Variants in MYO1B observed in about 807,000 individuals in gnomAD.
The protein encoded by MYO1B is unconventional myosin-Ib.
In MYO1B, 72 loss-of-function variants were observed where a neutral mutation model predicts 159.7. That is an observed-to-expected ratio of 0.45 (90% CI 0.37 to 0.55). The LOEUF is 0.55. Among genes scored for constraint, MYO1B ranks in the 20% least tolerant of loss-of-function variants. MYO1B has a pLI of 0.00. For missense variants in MYO1B, 1,062 were observed against 1,364.8 expected, an observed-to-expected ratio of 0.78 and a Z score of 3.50; for synonymous variants, 468 against 473.8, an observed-to-expected ratio of 0.99 and a Z score of 0.16.
intron 2 of MYO1B, among the ~76,000 whole-genome samples, chr2:191,288,596 T>C (rs55787447): frequency 0.38 from 57,789 of 152,162 alleles, 11,169 homozygotes; most frequent in Middle Eastern, 0.52. Flanking sequence ...ATTATAAACT[T>C]CCCAGGCACA....
intron 3 of MYO1B, among the ~76,000 whole-genome samples, chr2:191,313,912 C>T (rs6741917): frequency 1.1e-4 from 16 of 152,212 alleles, no homozygotes; most frequent in East Asian, 7.7e-4. Context: ...AGCCTAACTG[C>T]GAAGGAAGCT....
intron 14 of MYO1B, among the ~76,000 whole-genome samples, chr2:191,382,755 T>TA (rs1466460508): frequency 6.6e-6 from 1 of 152,214 alleles, no homozygotes; most frequent in African/African-American, 2.4e-5. Flanking sequence ...TGTCTTTCCT[T>TA]ATGTTGAAAA....
At chr2:191,291,958 CAG>C (rs1264876410) in intron 2 of MYO1B, among the ~76,000 whole-genome samples, 1 of 152,140 alleles carries the variant, frequency 6.6e-6, no homozygotes, top group Non-Finnish European at 1.5e-5. Flanking sequence ...TCAGAGGAAG[CAG>C]AGTTGTGACT....
chr2:191,330,032 A>G lies in MYO1B; in HGVS notation c.346+3A>G, dbSNP rs372690178. The G allele has an allele frequency of 1.9e-6, 3 of 1,610,320 alleles. No individual in the cohort carries two copies. Among genetic ancestry groups the G allele is most frequent in the East Asian group, 2.2e-5 (1 of 44,730 alleles). ...GGAAAGTGGAGCAGGAAAAACAGGT[A>G]AGGCTCCTACCAAGCAACTCTGCAG... On this transcript the variant is annotated splice_donor_region_variant and intron_variant, in intron 4 of 30. Transcript: ENST00000392318.
intron 2 of MYO1B, among the ~76,000 whole-genome samples, chr2:191,291,399 A>T (rs918096883): frequency 3.9e-5 from 6 of 152,200 alleles, no homozygotes; most frequent in Non-Finnish European, 8.8e-5. Flanking sequence ...TGCTATCTGT[A>T]TGTGCCAATT....
chr2:191,334,833 G>A (rs963908588), intron 4 of MYO1B, among the ~76,000 whole-genome samples: 3 of 152,144 alleles, frequency 2.0e-5, no homozygotes, highest in African/African-American at 7.2e-5. Flanking sequence ...ATCATTACTA[G>A]AAAAATGAAA....
intron 1 of MYO1B, among the ~76,000 whole-genome samples, chr2:191,260,458 A>G (rs1488468195): frequency 6.6e-6 from 1 of 151,664 alleles, no homozygotes; most frequent in East Asian, 1.9e-4. Flanking sequence ...ATATGTCTTT[A>G]CACAGTGTTT....
At chr2:191,298,175 G>A (rs1162304394) in intron 3 of MYO1B, among the ~76,000 whole-genome samples, 1 of 152,148 alleles carries the variant, frequency 6.6e-6, no homozygotes, top group Non-Finnish European at 1.5e-5. Context: ...TGGAACTAAA[G>A]ATTATTTATT....
At chr2:191,296,439 G>A (rs1287185257) in intron 3 of MYO1B, among the ~76,000 whole-genome samples, 1 of 152,010 alleles carries the variant, frequency 6.6e-6, no homozygotes, top group Non-Finnish European at 1.5e-5. Context: ...TGAAATATTT[G>A]GATTCAGGAT....
chr2:191,398,364 C>T (rs1281409356), intron 21 of MYO1B, among the ~76,000 whole-genome samples: 3 of 126,782 alleles, frequency 2.4e-5, no homozygotes, highest in East Asian at 2.2e-4. Context: ...CCAGTAGGGG[C>T]GGCTGGGCAG....
At chr2:191,339,294 A>G (rs1288917152) in intron 4 of MYO1B, among the ~76,000 whole-genome samples, 4 of 152,238 alleles carry the variant, frequency 2.6e-5, no homozygotes, top group Non-Finnish European at 2.9e-5. Flanking sequence ...TAGAGGGTAG[A>G]GGGCAATGTG....
intron 1 of MYO1B, among the ~76,000 whole-genome samples, chr2:191,266,942 GCTGT>G (rs1434015730): frequency 6.6e-6 from 1 of 152,178 alleles, no homozygotes; most frequent in Non-Finnish European, 1.5e-5. Flanking sequence ...GGTTCTAGAT[GCTGT>G]CTTTCAGTCC....
chr2:191,274,330 A>C (rs73058651), intron 1 of MYO1B, among the ~76,000 whole-genome samples: 2,192 of 152,304 alleles, frequency 0.014, 53 homozygotes, highest in African/African-American at 0.05. Flanking sequence ...GGTGTAAAAA[A>C]TTAGATATAA....
At chr2:191,363,589 C>T (rs1336838289) in intron 9 of MYO1B, 139 bp from the exon 10 acceptor site, 18 of 1,171,344 alleles carry the variant, frequency 1.5e-5, no homozygotes, top group Non-Finnish European at 2.1e-5. Context: ...CCTCGAATCA[C>T]AGTTGGAAAC....
intron 2 of MYO1B, among the ~76,000 whole-genome samples, chr2:191,293,189 G>A (rs1245037797): frequency 2.0e-5 from 3 of 152,208 alleles, no homozygotes; most frequent in East Asian, 3.8e-4. Context: ...GTTAAATCAA[G>A]TCACAGGGAG....
chr2:191,320,900 G>A (rs11898504), intron 3 of MYO1B, among the ~76,000 whole-genome samples: 17,051 of 151,842 alleles, frequency 0.11, 3,109 homozygotes, highest in African/African-American at 0.39. Flanking sequence ...TGGCATCTCT[G>A]CCTATTGCCT....
chr2:191,390,551 T>C, intron 18 of MYO1B, 59 bp downstream of exon 18: 1 of 1,526,824 alleles, frequency 6.5e-7, no homozygotes, highest in African/African-American at 1.4e-5. Context: ...AATAATACGG[T>C]GTTTTTTCAC....
chr2:191,406,532 C>A (rs1182114117), intron 24 of MYO1B, among the ~76,000 whole-genome samples: 2 of 152,032 alleles, frequency 1.3e-5, no homozygotes, highest in African/African-American at 4.8e-5. Flanking sequence ...ATTATTAATT[C>A]AATATTAATT....
rs778282545 is a variant in MYO1B at position 191,296,225 on chromosome 2, A to G, written c.250A>G (p.Ile84Val). 1.3e-6 allele frequency: 2 copies of G among 1,578,566 alleles called. No individual in the cohort carries two copies. Among genetic ancestry groups the G allele is most frequent in the Non-Finnish European group, 8.7e-7 (1 of 1,150,180 alleles). The change falls in exon 3 of 31, where the codon ATC (isoleucine) becomes GTC (valine). Residue 84 changes from isoleucine (I) to valine (V), a missense_variant and splice_region_variant. Transcript: ENST00000392318. ...NRNFYELSPH[I>V]FALSDEAYRS... ...AAATTTTTATGAACTGAGCCCTCACATGTAAGTACTGTACTAAAGCATTAA... is the reference window on the plus strand; with the variant it reads ...AAATTTTTATGAACTGAGCCCTCACGTGTAAGTACTGTACTAAAGCATTAA...
Sources: gnomAD v4.1 joint callset for allele counts (sites outside exome capture counted in the v4.1 genomes callset) on GRCh38, gnomAD v4.1.1 for gene constraint, MANE v1.5 for transcripts, NCBI Gene and HGNC (gene_info 2026-07-23, HGNC 2026-07-21) for gene names.